Variants in MOB2 observed in about 807,000 individuals in gnomAD.
MOB2 encodes the protein MOB2 Mps One Binder homolog.
MOB2 carries 14 observed loss-of-function variants against 27.4 expected under a neutral mutation model. The observed-to-expected ratio is 0.51, with a 90% CI of 0.34 to 0.80. The LOEUF is 0.80. Ranked by LOEUF, MOB2 falls within the 30% of genes least tolerant of loss-of-function variation. The probability of loss-of-function intolerance (pLI) is 0.01; values close to 1 mark genes in which losing one functional copy is unlikely to be tolerated. For synonymous variants in MOB2, 167 were observed against 151.8 expected, an observed-to-expected ratio of 1.10 and a Z score of -0.74; for missense variants, 304 against 354.6, an observed-to-expected ratio of 0.86 and a Z score of 1.15.
chr11:1,470,013 C>A lies in MOB2; in HGVS notation c.*159G>T. 1.3e-6 allele frequency: 2 copies of A among 1,526,992 alleles called. No homozygotes were observed. Among genetic ancestry groups the A allele is most frequent in the Non-Finnish European group, 8.8e-7 (1 of 1,139,284 alleles). The allele number at this position is 1,526,992 out of a possible 1,614,324, so 94.6% of individuals were successfully genotyped here. ...GGGGGCCACAGGACACGGCCGGGGC[C>A]GTCTGCGTCTGTGCCTGTGCAGCCC... On this transcript the variant is annotated 3_prime_UTR_variant, in exon 5 of 5. Coordinates refer to ENST00000329957, the MANE Select transcript of MOB2 (RefSeq NM_001172223.3).
chr11:1,485,159 T>C (rs1270405269), intron 1 of MOB2, among the ~76,000 whole-genome samples: 1 of 152,218 alleles, frequency 6.6e-6, no homozygotes, highest in South Asian at 2.1e-4. Context: ...ATCGCTTCCT[T>C]TGAAACCTTC....
intron 3 of MOB2, chr11:1,472,942 A>T (rs2133358895): frequency 6.5e-6 from 1 of 153,294 alleles, no homozygotes; most frequent in East Asian, 1.9e-4. Flanking sequence ...CAGCCTGTGC[A>T]CTGCAGATCC....
In MOB2 at chr11:1,469,813, C is replaced by A. The variant is rs113734460; in HGVS notation, c.*359G>T. ...AGGTCTGCAAATCACACCCTCCCCC[C>A]ACGAGTTCCTCCTTTGAGGCCAGCA... On this transcript the variant is annotated 3_prime_UTR_variant, in exon 5 of 5. Coordinates refer to ENST00000329957, the MANE Select transcript of MOB2 (RefSeq NM_001172223.3). The A allele has an allele frequency of 1.8e-4, 95 of 529,936 alleles. 3 individuals carry two copies. The highest frequency in any genetic ancestry group is 8.6e-4 in the Middle Eastern group (3 of 3,502). 32.8% of individuals were successfully genotyped at this position (529,936 alleles called of 1,614,324 possible). A position where few individuals can be genotyped will look rare whatever the true frequency, so the allele number is the denominator to read the frequency against.
At chr11:1,479,398 C>T (rs1399118015) in intron 3 of MOB2, among the ~76,000 whole-genome samples, 1 of 152,248 alleles carries the variant, frequency 6.6e-6, no homozygotes, top group African/African-American at 2.4e-5. Flanking sequence ...TCCCCATCTT[C>T]CTGGGCCATG....
In MOB2 at chr11:1,471,264, G is replaced by A. The variant is rs1439632566; in HGVS notation, c.490+31C>T. The A allele has an allele frequency of 1.9e-6, 3 of 1,596,984 alleles. No homozygotes were observed. In the East Asian group the frequency reaches 6.7e-5, roughly 36 times the overall value. On this transcript the variant is annotated intron_variant, in intron 4 of 4. Transcript: ENST00000329957. Reference sequence around the variant, plus strand: ...CTGAATGCTCCCTGCCCCACTGTGAGGATGACCGCCCAGTGCTGGGGGAGA... The same window carrying A: ...CTGAATGCTCCCTGCCCCACTGTGAAGATGACCGCCCAGTGCTGGGGGAGA...
chr11:1,480,455 C>G lies in MOB2; in HGVS notation c.303G>C (p.Gln101His). The G allele has an allele frequency of 6.2e-7, 1 of 1,613,878 alleles. No homozygotes were observed. Among genetic ancestry groups the G allele is most frequent in the Non-Finnish European group, 8.5e-7 (1 of 1,179,882 alleles). Reference protein sequence around the residue: ...TTTFFHHINLQYSTISEFCTG... With the variant: ...TTTFFHHINLHYSTISEFCTG... ...TGCAGAACTCGGAGATGGTGCTATA[C>G]TGCAGGTTGATGTGGTGGAAAAACG... The change falls in exon 3 of 5, where the codon CAG becomes CAC. Residue 101 changes from glutamine to histidine, a missense_variant. Physicochemically the swap from Gln to His is conservative, Grantham distance 24. Coordinates refer to ENST00000329957, the MANE Select transcript of MOB2 (RefSeq NM_001172223.3).
chr11:1,475,938 C>G (rs1392247034), intron 3 of MOB2, among the ~76,000 whole-genome samples: 1 of 152,228 alleles, frequency 6.6e-6, no homozygotes, highest in East Asian at 1.9e-4. Flanking sequence ...TTTCTGTCTT[C>G]TCTTTGGCAT....
intron 4 of MOB2, 90 bp downstream of exon 4, chr11:1,471,205 C>G: frequency 6.7e-7 from 1 of 1,484,544 alleles, no homozygotes; most frequent in East Asian, 2.5e-5. Flanking sequence ...TCTGCCCCTC[C>G]CGGCACAGGA....
At chr11:1,481,408 C>A (rs11030226) in intron 1 of MOB2, 1 of 186,630 alleles carries the variant, frequency 5.4e-6, no homozygotes, top group Non-Finnish European at 1.1e-5. Flanking sequence ...CATCAGGCGG[C>A]AGCCTGGCCT....
chr11:1,483,062 G>A (rs1311069968), intron 1 of MOB2, among the ~76,000 whole-genome samples: 1 of 152,236 alleles, frequency 6.6e-6, no homozygotes, highest in Non-Finnish European at 1.5e-5. Flanking sequence ...AGTCATTCTT[G>A]GCTTTGCCCA....
At chr11:1,470,960 C>T (rs985752827) in intron 4 of MOB2, among the ~76,000 whole-genome samples, 8 of 152,262 alleles carry the variant, frequency 5.3e-5, no homozygotes, top group Non-Finnish European at 1.2e-4. Flanking sequence ...AAAATCTGGA[C>T]ACAGGCTTGG....
Position 1,480,862 on chromosome 11 carries a change from C to T in MOB2, c.134G>A (p.Gly45Asp). 6.4e-7 allele frequency: 1 copy of T among 1,562,682 alleles called. No individual in the cohort carries two copies. The highest frequency in any genetic ancestry group is 1.2e-5 in the South Asian group (1 of 84,790). The change falls in exon 2 of 5, where the codon GGC becomes GAC. Residue 45 changes from glycine (G) to aspartate (D), a missense_variant. By Grantham distance (94) the Gly-to-Asp change is moderately conservative. Transcript: ENST00000329957. ...CCTCTCCTCCGCAGCGGGCTTCTTG[C>T]CATTAGGCTTGGCTTTGGACTTCCT... ...VLRKSKAKPNGKKPAAEERKA... is the reference protein window; with the variant it reads ...VLRKSKAKPNDKKPAAEERKA...
chr11:1,472,087 T>G (rs1054257390), intron 3 of MOB2: 1 of 152,168 alleles, frequency 6.6e-6, no homozygotes, highest in Non-Finnish European at 1.5e-5. Context: ...CTCTTACTGT[T>G]GGGTCCAGCC....
rs115380693 is a variant in MOB2 at position 1,475,421 on chromosome 11, T to C, written c.366-4002A>G. Among the ~76,000 whole-genome samples, 1,051 of 152,276 alleles carry C rather than the reference T, an allele frequency of 6.9e-3. 15 individuals are homozygous for C. The highest frequency in any genetic ancestry group is 0.024 in the African/African-American group (1,014 of 41,542). On this transcript the variant is annotated intron_variant, in intron 3 of 4. Coordinates refer to ENST00000329957, the MANE Select transcript of MOB2 (RefSeq NM_001172223.3). ...GCCACAGAGAGCACCAAACCCTATA[T>C]ATGCTGCGCTTTCTCCTATACATAC...
intron 1 of MOB2, among the ~76,000 whole-genome samples, chr11:1,486,081 C>T (rs571454850): frequency 6.6e-6 from 1 of 152,366 alleles, no homozygotes; most frequent in African/African-American, 2.4e-5. Context: ...GAACCACACC[C>T]TGTGGGTTGC....
At chr11:1,470,608 T>C in intron 4 of MOB2, 120 bp from the exon 5 acceptor site, 1 of 1,170,028 alleles carries the variant, frequency 8.5e-7, no homozygotes, top group Non-Finnish European at 1.2e-6. Flanking sequence ...CCTGCCACCC[T>C]CAGGGCCTAC....
chr11:1,483,501 C>T (rs1036232054), intron 1 of MOB2, among the ~76,000 whole-genome samples: 37 of 152,188 alleles, frequency 2.4e-4, no homozygotes, highest in African/African-American at 8.7e-4. Context: ...GCCTGGCAGG[C>T]ACCATGCACT....
intron 3 of MOB2, among the ~76,000 whole-genome samples, chr11:1,474,246 C>T (rs1412237136): frequency 6.6e-6 from 1 of 152,244 alleles, no homozygotes; most frequent in African/African-American, 2.4e-5. Flanking sequence ...CTTTTGCTGA[C>T]AGTTAACTGG....
intron 4 of MOB2, among the ~76,000 whole-genome samples, chr11:1,470,975 T>C (rs1431116886): frequency 1.3e-5 from 2 of 152,244 alleles, no homozygotes; most frequent in Non-Finnish European, 2.9e-5. Flanking sequence ...GCTTGGCGGC[T>C]GATACCCAGC....
Sources: gnomAD v4.1 joint callset for allele counts (sites outside exome capture counted in the v4.1 genomes callset) on GRCh38, gnomAD v4.1.1 for gene constraint, MANE v1.5 for transcripts, NCBI Gene and HGNC (gene_info 2026-07-23, HGNC 2026-07-21) for gene names.